Variants in CCDC25 observed in about 807,000 individuals in gnomAD.
CCDC25 encodes coiled-coil domain containing 25, also known as coiled-coil domain-containing protein 25.
Under a neutral mutation model 35.3 loss-of-function variants are expected in CCDC25, and 16 were observed. The observed-to-expected ratio is 0.45, with a 90% CI of 0.31 to 0.69. The LOEUF (loss-of-function observed/expected upper bound fraction) is 0.69, where lower values mean the gene tolerates loss of function less well. Ranked by LOEUF, CCDC25 falls within the 30% of genes least tolerant of loss-of-function variation. The pLI is 0.06. For missense variants in CCDC25, 179 were observed against 250.7 expected, an observed-to-expected ratio of 0.71 and a Z score of 1.93; for synonymous variants, 79 against 80.3, an observed-to-expected ratio of 0.98 and a Z score of 0.09.
Position 27,736,180 on chromosome 8 carries a change from C to T in CCDC25, c.*36G>A. 6.3e-6 allele frequency: 10 copies of T among 1,598,404 alleles called. No individual in the cohort carries two copies. Among genetic ancestry groups the T allele is most frequent in the Non-Finnish European group, 8.5e-6 (10 of 1,172,896 alleles). On this transcript the variant is annotated 3_prime_UTR_variant, in exon 9 of 9. Coordinates refer to ENST00000356537, the MANE Select transcript of CCDC25 (RefSeq NM_018246.3). ...AAAGGTCTGCAATTGTCTCTACATT[C>T]ACATCTTTCAAAGGTCCTTTTCTCC...
chr8:27,762,360 G>T, intron 3 of CCDC25, 59 bp downstream of exon 3: 2 of 1,473,234 alleles, frequency 1.4e-6, no homozygotes, highest in Non-Finnish European at 1.9e-6. Context: ...TGAATGCTTG[G>T]CCAAGTCTAA....
intron 1 of CCDC25, among the ~76,000 whole-genome samples, chr8:27,768,604 G>C (rs758524387): frequency 1.1e-3 from 167 of 150,072 alleles, no homozygotes; most frequent in Non-Finnish European, 1.8e-3. Context: ...AAAATAAAAA[G>C]GAACATCATT....
At chr8:27,745,678 C>A (rs1362223548) in intron 7 of CCDC25, among the ~76,000 whole-genome samples, 3 of 152,202 alleles carry the variant, frequency 2.0e-5, no homozygotes, top group African/African-American at 4.8e-5. Flanking sequence ...CAGAACACAG[C>A]AAACGGCAGC....
rs779085297 is a variant in CCDC25, at chr8:27,756,754, GT to G, written c.132del (p.Lys44AsnfsTer17). 6.2e-7 allele frequency: 1 copy of G among 1,612,804 alleles called. No homozygotes were observed. Among genetic ancestry groups the G allele is most frequent in the South Asian group, 1.1e-5 (1 of 91,030 alleles). On this transcript the variant is annotated frameshift_variant, in exon 4 of 9. Transcript: ENST00000356537. LOFTEE classifies it high-confidence loss of function. ...CGAAGGTATACATGAGCCGAAGAGA[GT>G]TTGTCCACATGAAACCTACAAAGAA... ...WPEDIWFHVD[K>X]LSSAHVYLRL... is the part of the protein sequence containing the mutation.
intron 7 of CCDC25, among the ~76,000 whole-genome samples, chr8:27,745,543 T>C (rs540176105): frequency 6.6e-6 from 1 of 152,366 alleles, no homozygotes; most frequent in South Asian, 2.1e-4. Context: ...CACAGATTTC[T>C]ATATCTTGGG....
At chr8:27,738,864 G>C (rs535510053) in intron 8 of CCDC25, among the ~76,000 whole-genome samples, 1 of 152,262 alleles carries the variant, frequency 6.6e-6, no homozygotes, top group South Asian at 2.1e-4. Context: ...TCTAAAATTA[G>C]CTTCCAGAAA....
chr8:27,761,846 A>G (rs1804239182), intron 3 of CCDC25, among the ~76,000 whole-genome samples: 1 of 151,902 alleles, frequency 6.6e-6, no homozygotes, highest in Non-Finnish European at 1.5e-5. Context: ...TTTTTTTTGG[A>G]CTGGGTTTTG....
chr8:27,738,453 A>C (rs1379157611), intron 8 of CCDC25, among the ~76,000 whole-genome samples: 1 of 152,196 alleles, frequency 6.6e-6, no homozygotes, highest in African/African-American at 2.4e-5. Flanking sequence ...GAGCTCAGGA[A>C]CAGGGGTTGC....
chr8:27,757,154 A>G (rs1585363420), intron 3 of CCDC25, among the ~76,000 whole-genome samples: 1 of 152,324 alleles, frequency 6.6e-6, no homozygotes, highest in Middle Eastern at 3.4e-3. Context: ...AAGGAAAGGA[A>G]TTTCAGGTGA....
intron 8 of CCDC25, among the ~76,000 whole-genome samples, chr8:27,738,417 G>A (rs1394122999): frequency 3.3e-5 from 5 of 152,142 alleles, no homozygotes; most frequent in Non-Finnish European, 7.4e-5. Context: ...AAACTTCCTT[G>A]GAATCTTGAA....
At chr8:27,771,987 C>T (rs1487081623) in intron 1 of CCDC25, 2 of 154,036 alleles carry the variant, frequency 1.3e-5, no homozygotes, top group South Asian at 3.8e-4. Flanking sequence ...ATCAACTGCC[C>T]GGAGAGTGGC....
chr8:27,754,849 C>T (rs79317498), intron 4 of CCDC25, among the ~76,000 whole-genome samples: 4,034 of 152,208 alleles, frequency 0.027, 69 homozygotes, highest in Middle Eastern at 0.044. Context: ...GAGCCATCCC[C>T]ATGAGCTCAT....
At chr8:27,764,779 A>C (rs76895150) in intron 2 of CCDC25, among the ~76,000 whole-genome samples, 3,349 of 152,300 alleles carry the variant, frequency 0.022, 141 homozygotes, top group African/African-American at 0.076. Flanking sequence ...CTCAGCTTTC[A>C]ATCACATTTA....
chr8:27,770,254 C>T (rs190147927), intron 1 of CCDC25, among the ~76,000 whole-genome samples: 3 of 152,168 alleles, frequency 2.0e-5, no homozygotes, highest in Admixed American at 2.0e-4. Context: ...CCAGCCTGAG[C>T]AACATGATGA....
chr8:27,762,489 A>C, intron 2 of CCDC25, 31 bp from the exon 3 acceptor site: 1 of 1,601,924 alleles, frequency 6.2e-7, no homozygotes, highest in African/African-American at 1.3e-5. Context: ...CGAAAGAAAC[A>C]AAAACTGTCA....
intron 5 of CCDC25, among the ~76,000 whole-genome samples, chr8:27,748,825 G>A (rs1037404003): frequency 6.6e-6 from 1 of 152,138 alleles, no homozygotes; most frequent in African/African-American, 2.4e-5. Flanking sequence ...GGAGTCCATG[G>A]ATTAGCTTCA....
intron 4 of CCDC25, chr8:27,754,676 T>G (rs1218652043): frequency 6.6e-6 from 1 of 152,120 alleles, no homozygotes; most frequent in Non-Finnish European, 1.5e-5. Context: ...TTCTTTATTT[T>G]CTGTAGTGAC....
intron 5 of CCDC25, among the ~76,000 whole-genome samples, chr8:27,750,433 A>G (rs1043342683): frequency 6.6e-6 from 1 of 152,238 alleles, no homozygotes; most frequent in African/African-American, 2.4e-5. Flanking sequence ...TACTTAGCAC[A>G]GGGCCAGGCA....
At chr8:27,764,271 C>T (rs1309145551) in intron 2 of CCDC25, 6 of 178,132 alleles carry the variant, frequency 3.4e-5, no homozygotes, top group African/African-American at 2.4e-5. Context: ...TCCATACATA[C>T]ATACATTCAC....
Sources: gnomAD v4.1 joint callset for allele counts (sites outside exome capture counted in the v4.1 genomes callset) on GRCh38, gnomAD v4.1.1 for gene constraint, MANE v1.5 for transcripts, NCBI Gene and HGNC (gene_info 2026-07-23, HGNC 2026-07-21) for gene names.